The following AGPAT4 variants were observed in gnomAD, a reference collection of about 807,000 sequenced individuals.
AGPAT4 encodes 1-acylglycerol-3-phosphate O-acyltransferase 4.
AGPAT4 carries 15 observed loss-of-function variants against 48.0 expected under a neutral mutation model. The ratio of observed to expected loss-of-function variants is 0.31; its 90% confidence interval spans 0.21 to 0.48. AGPAT4 has a LOEUF of 0.48. Among genes scored for constraint, AGPAT4 ranks in the 20% least tolerant of loss-of-function variants. AGPAT4 has a pLI of 0.99. For missense variants in AGPAT4, 314 were observed against 482.5 expected (o/e 0.65, Z 3.27); for synonymous variants, 178 against 198.7 (o/e 0.90, Z 0.88).
chr6:161,175,720 T>G (rs1199440652), intron 2 of AGPAT4, among the ~76,000 whole-genome samples: 1 of 152,226 alleles, frequency 6.6e-6, no homozygotes, highest in African/African-American at 2.4e-5. Flanking sequence ...TTCTTTTAAT[T>G]GTGATGTTAG....
chr6:161,186,216 C>A (rs1448056576), intron 2 of AGPAT4, among the ~76,000 whole-genome samples: 6 of 152,162 alleles, frequency 3.9e-5, no homozygotes, highest in Non-Finnish European at 8.8e-5. Flanking sequence ...ACCTGGAACA[C>A]TCATGCTTAA....
intron 2 of AGPAT4, among the ~76,000 whole-genome samples, chr6:161,191,388 A>G (rs956648613): frequency 1.3e-5 from 2 of 152,222 alleles, no homozygotes; most frequent in African/African-American, 4.8e-5. Context: ...GAAACCAGGA[A>G]AATAATACCA....
rs1376253510 is a variant in AGPAT4, at chr6:161,134,470, C to T, written c.*2070G>A. On this transcript the variant is annotated 3_prime_UTR_variant, in exon 9 of 9. Coordinates refer to ENST00000320285, the MANE Select transcript of AGPAT4 (RefSeq NM_020133.3). ...TTTGAGAGTAGCAACATAGAGGCAGCTTTCTAGTCTTTCATCCTTGGCTTA... is the reference window on the plus strand; with the variant it reads ...TTTGAGAGTAGCAACATAGAGGCAGTTTTCTAGTCTTTCATCCTTGGCTTA... 6.6e-6 allele frequency: 1 copy of T among 152,200 alleles called. No homozygotes were observed. Among genetic ancestry groups the T allele is most frequent in the African/African-American group, 2.4e-5 (1 of 41,456 alleles). 9.4% of individuals were successfully genotyped at this position (152,200 alleles called of 1,614,324 possible).
intron 1 of AGPAT4, among the ~76,000 whole-genome samples, chr6:161,250,183 G>A (rs1332411259): frequency 1.3e-5 from 2 of 152,122 alleles, no homozygotes; most frequent in Admixed American, 6.6e-5. Flanking sequence ...ACACACTGAG[G>A]CCTATCAGAT....
intron 2 of AGPAT4, among the ~76,000 whole-genome samples, chr6:161,203,506 G>A (rs940213598): frequency 1.4e-5 from 2 of 147,582 alleles, no homozygotes; most frequent in African/African-American, 5.0e-5. Context: ...CTCCTGCCCC[G>A]GCCCCCCAAG....
In AGPAT4 at chr6:161,272,267, A is replaced by C. The variant is rs1194906432; in HGVS notation, c.-90+1671T>G. On this transcript the variant is annotated intron_variant, in intron 1 of 8. Transcript: ENST00000320285. The surrounding 1 kb of genome is among the most constrained non-coding windows in gnomAD (Gnocchi z 4.2). ...CTGCTTCCACATGGCAGGGTTGCTC[A>C]AGGTTTATAAGTAATGATTTTGGCT... Among the ~76,000 whole-genome samples the C allele has an allele frequency of 6.6e-6, 1 of 152,202 alleles. No homozygotes were observed. Among genetic ancestry groups the C allele is most frequent in the Non-Finnish European group, 1.5e-5 (1 of 68,044 alleles).
At position 161,216,008 on chromosome 6, in the gene AGPAT4, G is replaced by A. The variant is rs553380199; in HGVS notation, c.178+16028C>T. Among the ~76,000 whole-genome samples, 2 of 152,280 alleles carry A rather than the reference G, an allele frequency of 1.3e-5. No homozygotes were observed. Among genetic ancestry groups the A allele is most frequent in the Admixed American group, 6.5e-5 (1 of 15,302 alleles). On this transcript the variant is annotated intron_variant, in intron 2 of 8. Coordinates refer to ENST00000320285, the MANE Select transcript of AGPAT4 (RefSeq NM_020133.3). This position sits in a 1 kb window ranked among gnomAD's most constrained non-coding sequence, Gnocchi z 4.8. ...AAGCTGTCCAGGCTCACACATACTT[G>A]CCTCTCTTAACCGCACCATGTCCAG...
rs1429674587 is a variant in AGPAT4 at position 161,231,934 on chromosome 6, G to C, written c.178+102C>G. ...AAAACAAAAACAAAACAAAAAAACAGCTCGGCACACAACGAAAGCCTAGTG... is the reference window on the plus strand; with the variant it reads ...AAAACAAAAACAAAACAAAAAAACACCTCGGCACACAACGAAAGCCTAGTG... On this transcript the variant is annotated intron_variant, in intron 2 of 8. Coordinates refer to ENST00000320285, the MANE Select transcript of AGPAT4 (RefSeq NM_020133.3). This position sits in a 1 kb window ranked among gnomAD's most constrained non-coding sequence, Gnocchi z 5.3. 1.7e-6 allele frequency: 2 copies of C among 1,207,614 alleles called. No individual in the cohort carries two copies. The highest frequency in any genetic ancestry group is 2.3e-6 in the Non-Finnish European group (2 of 888,382). 74.8% of individuals were successfully genotyped at this position (1,207,614 alleles called of 1,614,324 possible).
At chr6:161,174,944 T>A (rs1158003232) in intron 2 of AGPAT4, among the ~76,000 whole-genome samples, 1 of 152,194 alleles carries the variant, frequency 6.6e-6, no homozygotes, top group Non-Finnish European at 1.5e-5. Context: ...TATGATGGAT[T>A]TATGTTTATT....
intron 1 of AGPAT4, among the ~76,000 whole-genome samples, chr6:161,271,379 C>G (rs531242527): frequency 7.9e-5 from 12 of 152,348 alleles, no homozygotes; most frequent in Admixed American, 7.8e-4. Flanking sequence ...GTTGCCTCCC[C>G]CTTCCTTCCA....
rs114688961 is a variant in AGPAT4, at chr6:161,152,165, A to G, written c.664+1181T>C. On this transcript the variant is annotated intron_variant, in intron 5 of 8. Transcript: ENST00000320285. ...TTGAAGGTGACACTGTGTGGAGTAC[A>G]TGGCATTGTGCCAATAGAGGTCATC... Among the ~76,000 whole-genome samples the G allele has an allele frequency of 4.6e-3, 697 of 152,342 alleles. 8 individuals carry two copies. The highest frequency in any genetic ancestry group is 0.016 in the African/African-American group (652 of 41,582).
intron 1 of AGPAT4, among the ~76,000 whole-genome samples, chr6:161,252,196 T>C (rs540772402): frequency 2.6e-5 from 4 of 151,984 alleles, no homozygotes; most frequent in Non-Finnish European, 4.4e-5. Context: ...TGACATGGGG[T>C]TGTGGGTGGC....
In AGPAT4 at chr6:161,141,537, G is replaced by A. The variant is rs1472486715; in HGVS notation, c.844-1917C>T. On this transcript the variant is annotated intron_variant, in intron 7 of 8. Transcript: ENST00000320285. This position sits in a 1 kb window ranked among gnomAD's most constrained non-coding sequence, Gnocchi z 6.7. ...TTCTTATCCCAGGTTGGGGCCACAGGGCACCTGATAACTAGACAAGGGGGG... is the reference window on the plus strand; with the variant it reads ...TTCTTATCCCAGGTTGGGGCCACAGAGCACCTGATAACTAGACAAGGGGGG... 6.6e-6 allele frequency among the ~76,000 whole-genome samples: 1 copy of A among 152,012 alleles called. No individual in the cohort carries two copies. The highest frequency in any genetic ancestry group is 1.9e-4 in the East Asian group (1 of 5,170).
rs1016185512 is a variant in AGPAT4 at position 161,132,442 on chromosome 6, C to G, written c.*4098G>C. 6.6e-6 allele frequency: 1 copy of G among 152,384 alleles called. No homozygotes were observed. Among genetic ancestry groups the G allele is most frequent in the Non-Finnish European group, 1.5e-5 (1 of 68,092 alleles). 9.4% of individuals were successfully genotyped at this position (152,384 alleles called of 1,614,324 possible). On this transcript the variant is annotated 3_prime_UTR_variant, in exon 9 of 9. Coordinates refer to ENST00000320285, the MANE Select transcript of AGPAT4 (RefSeq NM_020133.3). ...AGATGCTGGTCTCTTCTGAACACAC[C>G]GTGGAGCAATGTGGTGCACCTGCAG...
intron 1 of AGPAT4, among the ~76,000 whole-genome samples, chr6:161,237,578 A>G (rs1479036663): frequency 6.6e-6 from 1 of 152,198 alleles, no homozygotes; most frequent in Non-Finnish European, 1.5e-5. Flanking sequence ...ATTAGAATAC[A>G]CTGAGTGGGA....
Position 161,133,501 on chromosome 6 carries a change from C to T in AGPAT4, c.*3039G>A, listed in dbSNP as rs1279519779. ...AACTCACAGAGTGCCTTACTTCTTCCTCCCGATTAATCGTGTTCACTATAT... is the reference window on the plus strand; with the variant it reads ...AACTCACAGAGTGCCTTACTTCTTCTTCCCGATTAATCGTGTTCACTATAT... On this transcript the variant is annotated 3_prime_UTR_variant, in exon 9 of 9. Coordinates refer to ENST00000320285, the MANE Select transcript of AGPAT4 (RefSeq NM_020133.3). 1.3e-5 allele frequency: 2 copies of T among 152,188 alleles called. No homozygotes were observed. The highest frequency in any genetic ancestry group is 4.8e-5 in the African/African-American group (2 of 41,434). 9.4% of individuals were successfully genotyped at this position (152,188 alleles called of 1,614,324 possible).
rs546245732 is a variant in AGPAT4 at position 161,147,401 on chromosome 6, T to C, written c.768-802A>G. ...CTCTTGTGATTTCAAGGGACGTTCATTTATACTCAATTTTGTCCATGTCAA... is the reference window on the plus strand; with the variant it reads ...CTCTTGTGATTTCAAGGGACGTTCACTTATACTCAATTTTGTCCATGTCAA... On this transcript the variant is annotated intron_variant, in intron 6 of 8. Transcript: ENST00000320285. This position sits in a 1 kb window ranked among gnomAD's most constrained non-coding sequence, Gnocchi z 4.8. 2.0e-5 allele frequency among the ~76,000 whole-genome samples: 3 copies of C among 152,340 alleles called. No homozygotes were observed. In the South Asian group the frequency reaches 6.2e-4, roughly 32 times the overall value.
intron 2 of AGPAT4, among the ~76,000 whole-genome samples, chr6:161,199,101 A>G (rs1350415746): frequency 6.8e-6 from 1 of 146,694 alleles, no homozygotes; most frequent in Non-Finnish European, 1.5e-5. Context: ...ATTATAGAGG[A>G]ATTACAAAAA....
At position 161,255,663 on chromosome 6, in the gene AGPAT4, G is replaced by A. The variant is rs1219212564; in HGVS notation, c.-90+18275C>T. 6.6e-6 allele frequency among the ~76,000 whole-genome samples: 1 copy of A among 151,994 alleles called. No homozygotes were observed. Among genetic ancestry groups the A allele is most frequent in the Non-Finnish European group, 1.5e-5 (1 of 68,020 alleles). ...ACGATTCGGTTTATATGAAAGGTTC[G>A]GACTAGGCCAATGCATGGAGACAGA... On this transcript the variant is annotated intron_variant, in intron 1 of 8. Transcript: ENST00000320285. The surrounding 1 kb of genome is among the most constrained non-coding windows in gnomAD (Gnocchi z 4.7).
Sources: gnomAD v4.1 joint callset for allele counts (sites outside exome capture counted in the v4.1 genomes callset) on GRCh38, gnomAD v4.1.1 for gene constraint, Gnocchi (gnomAD v3.1) non-coding constraint, MANE v1.5 for transcripts, NCBI Gene and HGNC (gene_info 2026-07-23, HGNC 2026-07-21) for gene names.